METAP1D: variants seen among roughly 807,000 people sequenced by gnomAD.
The protein encoded by METAP1D is methionine aminopeptidase 1D, mitochondrial.
METAP1D carries 31 observed loss-of-function variants against 40.5 expected under a neutral mutation model. That is an observed-to-expected ratio of 0.77 (90% CI 0.58 to 1.03). The LOEUF is 1.03. Ranked by LOEUF, METAP1D falls within the 50% of genes least tolerant of loss-of-function variation. The pLI is 0.00. For missense variants in METAP1D, 411 were observed against 420.7 expected (o/e 0.98, Z 0.20); for synonymous variants, 151 against 146.4 (o/e 1.03, Z -0.22).
intron 2 of METAP1D, 195 bp downstream of exon 2, chr2:172,061,850 G>A (rs995456222): frequency 2.0e-5 from 8 of 399,044 alleles, no homozygotes; most frequent in Non-Finnish European, 3.5e-5. Flanking sequence ...TTAAAACAAA[G>A]CTCTAAGCTT....
At chr2:172,055,852 G>A (rs188385428) in intron 1 of METAP1D, among the ~76,000 whole-genome samples, 1,999 of 152,246 alleles carry the variant, frequency 0.013, 20 homozygotes, top group Non-Finnish European at 0.021. Context: ...TGTTCCTGAC[G>A]TTTCGAATTT....
In METAP1D at chr2:172,061,765, T is replaced by A. The variant is rs1690149260; in HGVS notation, c.198+110T>A. ...ATTTCTGAGCCATTTGGGTTTTAAT[T>A]TTCAAACTAGGTTTGTGATCTAAAA... On this transcript the variant is annotated intron_variant, in intron 2 of 9. Coordinates refer to ENST00000315796, the MANE Select transcript of METAP1D (RefSeq NM_199227.3). The A allele has an allele frequency of 6.2e-6, 6 of 964,770 alleles. No individual in the cohort carries two copies. The East Asian group carries it at 1.6e-4, about 27-fold the overall frequency. The allele number at this position is 964,770 out of a possible 1,614,324, so 59.8% of individuals were successfully genotyped here.
chr2:172,009,527 A>C (rs943361669), intron 1 of METAP1D, among the ~76,000 whole-genome samples: 3 of 151,330 alleles, frequency 2.0e-5, no homozygotes, highest in Admixed American at 1.3e-4. Context: ...TACTTCTTTA[A>C]TTTTCTGAAA....
rs113548615 is a variant in METAP1D at position 172,037,929 on chromosome 2, C to G, written c.41-23569C>G. Among the ~76,000 whole-genome samples the G allele has an allele frequency of 1.8e-4, 28 of 152,306 alleles. 1 individual carries two copies. The highest frequency in any genetic ancestry group is 6.3e-4 in the African/African-American group (26 of 41,560). On this transcript the variant is annotated intron_variant, in intron 1 of 9. Transcript: ENST00000315796. ...TAGAAGTTGAAAGAAGCTGAAGCAG[C>G]ATGAGAATCCTGGCTCTGGGGCTGG... is the stretch of plus-strand genomic sequence containing the variant.
intron 1 of METAP1D, among the ~76,000 whole-genome samples, chr2:172,007,954 G>A (rs1688626573): frequency 1.3e-5 from 2 of 151,922 alleles, no homozygotes; most frequent in African/African-American, 4.8e-5. Context: ...CCAAAGTGCT[G>A]GGATTACAGG....
chr2:171,999,960 C>T lies in METAP1D; in HGVS notation c.-10C>T, dbSNP rs920191890. On this transcript the variant is annotated 5_prime_UTR_variant, in exon 1 of 10. Transcript: ENST00000315796. ...GAGCGAGTGCTCGCGGCCACGTGACCGACGCCAACATGGCGGCGCCCAGTG... is the reference window on the plus strand; with the variant it reads ...GAGCGAGTGCTCGCGGCCACGTGACTGACGCCAACATGGCGGCGCCCAGTG... 144 of 1,374,190 alleles carry T rather than the reference C, an allele frequency of 1.0e-4. No homozygotes were observed. Among genetic ancestry groups the T allele is most frequent in the South Asian group, 1.4e-4 (8 of 58,544 alleles). The allele number at this position is 1,374,190 out of a possible 1,614,324, so 85.1% of individuals were successfully genotyped here. A position where few individuals can be genotyped will look rare whatever the true frequency, so the allele number is the denominator to read the frequency against.
intron 6 of METAP1D, among the ~76,000 whole-genome samples, chr2:172,074,325 A>G (rs190285235): frequency 5.3e-5 from 8 of 152,332 alleles, no homozygotes; most frequent in Non-Finnish European, 7.4e-5. Flanking sequence ...AACAATATAA[A>G]GCAGATTTTT....
intron 1 of METAP1D, among the ~76,000 whole-genome samples, chr2:172,017,829 A>G (rs545395288): frequency 1.3e-5 from 2 of 152,126 alleles, no homozygotes; most frequent in Non-Finnish European, 2.9e-5. Flanking sequence ...TAGTCCCACA[A>G]AAGAAATTTT....
intron 1 of METAP1D, among the ~76,000 whole-genome samples, chr2:172,005,545 T>TATATATATA (rs1558990285): frequency 1.0e-5 from 1 of 99,524 alleles, no homozygotes. Context: ...TATATATATA[T>TATATATATA]CTTTTTTTTT....
At chr2:172,043,111 A>T (rs1156350691) in intron 1 of METAP1D, among the ~76,000 whole-genome samples, 391 of 22,204 alleles carry the variant, frequency 0.018, 49 homozygotes, top group African/African-American at 0.069. Flanking sequence ...ATATATATAT[A>T]TATATATTTT....
chr2:172,000,053 T>G (rs944692107), intron 1 of METAP1D, 44 bp downstream of exon 1: 1 of 1,270,252 alleles, frequency 7.9e-7, no homozygotes, highest in Non-Finnish European at 1.0e-6. Context: ...GCACGGTTGC[T>G]CACTAGGTAC....
chr2:172,054,803 A>T (rs1689965927), intron 1 of METAP1D, among the ~76,000 whole-genome samples: 1 of 152,224 alleles, frequency 6.6e-6, no homozygotes, highest in African/African-American at 2.4e-5. Context: ...TGCAGGAAGA[A>T]GTTGCCTATA....
At chr2:172,001,715 C>A (rs1688467153) in intron 1 of METAP1D, among the ~76,000 whole-genome samples, 1 of 151,976 alleles carries the variant, frequency 6.6e-6, no homozygotes, top group Admixed American at 6.6e-5. Flanking sequence ...ATGTAGCGAG[C>A]ATTTTGGACT....
chr2:172,029,479 C>G (rs1440544477), intron 1 of METAP1D, among the ~76,000 whole-genome samples: 1 of 152,124 alleles, frequency 6.6e-6, no homozygotes, highest in Non-Finnish European at 1.5e-5. Context: ...AAAGATATAC[C>G]TAAAATCCCC....
chr2:172,069,431 T>C (rs954508685), intron 5 of METAP1D, among the ~76,000 whole-genome samples: 3 of 152,226 alleles, frequency 2.0e-5, no homozygotes, highest in Admixed American at 1.3e-4. Context: ...AATATAAGAA[T>C]ATAAAAATTT....
intron 1 of METAP1D, among the ~76,000 whole-genome samples, chr2:172,055,874 CAT>C (rs1488145159): frequency 2.6e-5 from 4 of 152,166 alleles, no homozygotes; most frequent in African/African-American, 4.8e-5. Context: ...ACCATCCAGT[CAT>C]GTGTGGGTGT....
chr2:172,081,929 A>C lies in METAP1D; in HGVS notation c.*1523A>C, dbSNP rs1473105138. 6.6e-6 allele frequency: 1 copy of C among 152,328 alleles called. No homozygotes were observed. Among genetic ancestry groups the C allele is most frequent in the African/African-American group, 2.4e-5 (1 of 41,438 alleles). The allele number at this position is 152,328 out of a possible 1,614,324, so 9.4% of individuals were successfully genotyped here. A position where few individuals can be genotyped will look rare whatever the true frequency, so the allele number is the denominator to read the frequency against. On this transcript the variant is annotated 3_prime_UTR_variant, in exon 10 of 10. Coordinates refer to ENST00000315796, the MANE Select transcript of METAP1D (RefSeq NM_199227.3). ...ATGAGTTCCAGCTTTTACCTAACAC[A>C]GGGTTCTCTCGTCGTCCCCCAACCC...
intron 1 of METAP1D, among the ~76,000 whole-genome samples, chr2:172,057,517 A>C (rs908841319): frequency 2.0e-5 from 3 of 152,216 alleles, no homozygotes; most frequent in African/African-American, 7.2e-5. Context: ...GTGTTTGGTC[A>C]GCGAAGGCAG....
At chr2:172,001,727 G>C (rs889341340) in intron 1 of METAP1D, among the ~76,000 whole-genome samples, 2 of 152,064 alleles carry the variant, frequency 1.3e-5, no homozygotes, top group Non-Finnish European at 2.9e-5. Flanking sequence ...TTTTGGACTG[G>C]TTGCATGAAG....
Sources: gnomAD v4.1 joint callset for allele counts (sites outside exome capture counted in the v4.1 genomes callset) on GRCh38, gnomAD v4.1.1 for gene constraint, MANE v1.5 for transcripts, NCBI Gene and HGNC (gene_info 2026-07-23, HGNC 2026-07-21) for gene names.